GNAL: variants seen among roughly 807,000 people sequenced by gnomAD.
GNAL encodes the protein G protein subunit alpha L, also known as guanine nucleotide-binding protein G(olf) subunit alpha.
Under a neutral mutation model 55.1 loss-of-function variants are expected in GNAL, and 18 were observed. The observed-to-expected ratio is 0.33, with a 90% CI of 0.23 to 0.48. The LOEUF is 0.48. GNAL is among the 20% of genes least tolerant of loss of function. GNAL has a pLI of 0.99. For missense variants in GNAL, 412 were observed against 614.1 expected (o/e 0.67, Z 3.48); for synonymous variants, 253 against 237.0 (o/e 1.07, Z -0.62).
intron 5 of GNAL, chr18:11,833,673 A>C (rs751041895): frequency 1.2e-4 from 19 of 152,236 alleles, no homozygotes; most frequent in Non-Finnish European, 2.2e-4. Flanking sequence ...CTTCCTATAC[A>C]GAAAGGATGC....
At chr18:11,830,556 C>T (rs1447596626) in intron 5 of GNAL, among the ~76,000 whole-genome samples, 1 of 152,060 alleles carries the variant, frequency 6.6e-6, no homozygotes, top group South Asian at 2.1e-4. Flanking sequence ...GGCCAGGCTG[C>T]CAATTAAGAG....
intron 4 of GNAL, among the ~76,000 whole-genome samples, chr18:11,800,176 A>G (rs191656156): frequency 1.3e-5 from 2 of 152,086 alleles, no homozygotes; most frequent in African/African-American, 4.8e-5. Flanking sequence ...CGTGATAGAT[A>G]GATGATAGGC....
intron 1 of GNAL, among the ~76,000 whole-genome samples, chr18:11,719,012 A>T (rs1413681193): frequency 1.3e-5 from 2 of 152,206 alleles, no homozygotes; most frequent in East Asian, 3.8e-4. Context: ...GAAAATAAAA[A>T]ATTTGCTGAT....
In GNAL at chr18:11,852,037, G is replaced by A. The variant is rs549187606; in HGVS notation, c.723-10358G>A. 6 of 1,613,618 alleles carry A rather than the reference G, an allele frequency of 3.7e-6. No individual in the cohort carries two copies. In the East Asian group the frequency reaches 1.1e-4, roughly 30 times the overall value. ...GCTGCCGCAGGGCCAGACCGGCTCC[G>A]TGGGCACGAGCGTGGCTTCGGCGGA... is the stretch of plus-strand genomic sequence containing the variant. On this transcript the variant is annotated intron_variant, in intron 5 of 11. Coordinates refer to ENST00000334049, the MANE Select transcript of GNAL (RefSeq NM_182978.4).
intron 11 of GNAL, among the ~76,000 whole-genome samples, chr18:11,877,651 A>G (rs1442307727): frequency 1.3e-5 from 2 of 152,094 alleles, no homozygotes; most frequent in Non-Finnish European, 2.9e-5. Flanking sequence ...TAGTACTCCA[A>G]GTGCACTTAA....
chr18:11,848,798 A>G (rs903393480), intron 5 of GNAL, among the ~76,000 whole-genome samples: 3 of 152,116 alleles, frequency 2.0e-5, no homozygotes, highest in South Asian at 2.1e-4. Context: ...TTTGCAGTCA[A>G]TGCAACTCTG....
At chr18:11,754,030 A>T in intron 4 of GNAL, 85 bp downstream of exon 4, 2 of 978,308 alleles carry the variant, frequency 2.0e-6, no homozygotes, top group Non-Finnish European at 3.2e-6. Flanking sequence ...CAATATTGAT[A>T]CTAATTCATT....
At chr18:11,788,914 A>AAAAAAAAAAAAAAAAAATATAT in intron 4 of GNAL, among the ~76,000 whole-genome samples, 1 of 56,302 alleles carries the variant, frequency 1.8e-5, no homozygotes, top group Non-Finnish European at 2.9e-5. Context: ...AAAAAAAAAA[A>AAAAAAAAAAAAAAAAAATATAT]ATATATATAT....
intron 1 of GNAL, among the ~76,000 whole-genome samples, chr18:11,710,822 A>G (rs143919952): frequency 1.2e-3 from 176 of 152,244 alleles, no homozygotes; most frequent in African/African-American, 4.0e-3. Context: ...TGCTCAAAAA[A>G]TTGTCTTTGA....
chr18:11,734,872 C>A (rs73397852), intron 1 of GNAL, among the ~76,000 whole-genome samples: 9,015 of 148,584 alleles, frequency 0.061, 394 homozygotes, highest in African/African-American at 0.12. Flanking sequence ...TTTAGACCAG[C>A]GTCCCCTATC....
chr18:11,706,351 A>G (rs12454266), intron 1 of GNAL, among the ~76,000 whole-genome samples: 2,578 of 152,260 alleles, frequency 0.017, 55 homozygotes, highest in African/African-American at 0.052. Context: ...TAATTTAAAA[A>G]TATTGATAAA....
intron 1 of GNAL, among the ~76,000 whole-genome samples, chr18:11,693,332 A>G (rs551815148): frequency 7.9e-5 from 12 of 152,180 alleles, no homozygotes; most frequent in Non-Finnish European, 1.8e-4. Context: ...AGCCTCATAG[A>G]GTTTATATAT....
chr18:11,836,997 AGGCTG>A (rs1555656387), intron 5 of GNAL, among the ~76,000 whole-genome samples: 1 of 152,234 alleles, frequency 6.6e-6, no homozygotes, highest in Non-Finnish European at 1.5e-5. Context: ...TCTGTCACCC[AGGCTG>A]GAGTGCAGTG....
chr18:11,843,615 T>A (rs756330829), intron 5 of GNAL, among the ~76,000 whole-genome samples: 2 of 152,008 alleles, frequency 1.3e-5, no homozygotes, highest in Non-Finnish European at 2.9e-5. Flanking sequence ...ACTCACCAAG[T>A]TAAGTTATAT....
At position 11,882,700 on chromosome 18, in the gene GNAL, A is replaced by C. The variant is rs1296789825; in HGVS notation, c.*1565A>C. Reference sequence around the variant, plus strand: ...GACTCAGGCCAAAAAAAAAAAAAAAAAAAACCTTGACGTGTCAATGTTTGT... The same window carrying C: ...GACTCAGGCCAAAAAAAAAAAAAAACAAAACCTTGACGTGTCAATGTTTGT... On this transcript the variant is annotated 3_prime_UTR_variant, in exon 12 of 12. Transcript: ENST00000334049. 6.6e-6 allele frequency: 1 copy of C among 151,044 alleles called. No homozygotes were observed. The highest frequency in any genetic ancestry group is 1.5e-5 in the Non-Finnish European group (1 of 67,924). 9.4% of individuals were successfully genotyped at this position (151,044 alleles called of 1,614,324 possible).
chr18:11,743,731 A>G (rs1445381163), intron 1 of GNAL, among the ~76,000 whole-genome samples: 3 of 152,228 alleles, frequency 2.0e-5, no homozygotes, highest in Non-Finnish European at 4.4e-5. Flanking sequence ...CTGCTAGGCT[A>G]TTTGAGGTTA....
chr18:11,743,490 C>T (rs921563726), intron 1 of GNAL, among the ~76,000 whole-genome samples: 60 of 152,160 alleles, frequency 3.9e-4, no homozygotes, highest in African/African-American at 1.4e-3. Flanking sequence ...GAACCGTCCT[C>T]TAAGTGCTAA....
intron 1 of GNAL, among the ~76,000 whole-genome samples, chr18:11,705,936 G>A (rs1188420538): frequency 6.6e-6 from 1 of 151,884 alleles, no homozygotes; most frequent in East Asian, 1.9e-4. Flanking sequence ...TTGTATTTTA[G>A]TAGAAGCAGG....
chr18:11,810,246 T>C (rs574739944), intron 4 of GNAL, among the ~76,000 whole-genome samples: 2 of 152,102 alleles, frequency 1.3e-5, no homozygotes, highest in Non-Finnish European at 2.9e-5. Context: ...TACAAAAAAA[T>C]AGCCAGGCGT....
Sources: gnomAD v4.1 joint callset for allele counts (sites outside exome capture counted in the v4.1 genomes callset) on GRCh38, gnomAD v4.1.1 for gene constraint, MANE v1.5 for transcripts, NCBI Gene and HGNC (gene_info 2026-07-23, HGNC 2026-07-21) for gene names.